The following MTPN variants were observed in gnomAD, a reference collection of about 807,000 sequenced individuals.
The protein encoded by MTPN is granule cell differentiation protein.
MTPN carries 2 observed loss-of-function variants against 13.5 expected under a neutral mutation model. The ratio of observed to expected loss-of-function variants is 0.15; its 90% CI spans 0.06 to 0.47. The LOEUF is 0.47. Ranked by LOEUF, MTPN falls within the 20% of genes least tolerant of loss-of-function variation. The probability of loss-of-function intolerance (pLI) is 0.97; values close to 1 mark genes in which losing one functional copy is unlikely to be tolerated. For synonymous variants in MTPN, 46 were observed against 51.7 expected, an observed-to-expected ratio of 0.89 and a Z score of 0.48; for missense variants, 79 against 137.9, an observed-to-expected ratio of 0.57 and a Z score of 2.14.
At chr7:135,930,527 A>T (rs979472557) in intron 3 of MTPN, among the ~76,000 whole-genome samples, 1 of 152,192 alleles carries the variant, frequency 6.6e-6, no homozygotes, top group East Asian at 1.9e-4. Flanking sequence ...GACTATAAGA[A>T]GGTTCCCTGC....
intron 3 of MTPN, among the ~76,000 whole-genome samples, chr7:135,937,370 T>TACAC (rs35704525): frequency 0.026 from 3,811 of 144,458 alleles, 53 homozygotes; most frequent in Non-Finnish European, 0.033. Flanking sequence ...GCTAACTGGA[T>TACAC]ACACACACAC....
chr7:135,964,541 G>T (rs1799576022), intron 1 of MTPN, among the ~76,000 whole-genome samples: 1 of 152,166 alleles, frequency 6.6e-6, no homozygotes, highest in Admixed American at 6.5e-5. Flanking sequence ...AGATTTCGCA[G>T]AATCTACTTT....
intron 3 of MTPN, among the ~76,000 whole-genome samples, chr7:135,944,511 T>C (rs1388995312): frequency 1.3e-5 from 2 of 151,950 alleles, no homozygotes; most frequent in Non-Finnish European, 2.9e-5. Context: ...CCCCCGTCTC[T>C]ACTAAAAATA....
In MTPN at chr7:135,927,508, G is replaced by T. The variant is rs138105786; in HGVS notation, c.*2418C>A. On this transcript the variant is annotated 3_prime_UTR_variant, in exon 4 of 4. Transcript: ENST00000393085. ...AGATGTTAAGTATTACTTCAGTGGAGAACAAAACTTACTTAACCTTTCGCT... is the reference window on the plus strand; with the variant it reads ...AGATGTTAAGTATTACTTCAGTGGATAACAAAACTTACTTAACCTTTCGCT... The T allele has an allele frequency of 2.4e-3, 2,800 of 1,190,344 alleles. 8 individuals carry two copies. The highest frequency in any genetic ancestry group is 3.1e-3 in the Non-Finnish European group (2,613 of 841,514). The allele number at this position is 1,190,344 out of a possible 1,614,324, so 73.7% of individuals were successfully genotyped here. A position where few individuals can be genotyped will look rare whatever the true frequency, so the allele number is the denominator to read the frequency against.
chr7:135,941,195 T>A (rs538900475), intron 3 of MTPN, among the ~76,000 whole-genome samples: 1 of 152,360 alleles, frequency 6.6e-6, no homozygotes, highest in South Asian at 2.1e-4. Flanking sequence ...TGGCAAGTAC[T>A]AAAAATAGGA....
chr7:135,972,950 C>T (rs1026472991), intron 1 of MTPN, among the ~76,000 whole-genome samples: 2 of 151,666 alleles, frequency 1.3e-5, no homozygotes, highest in African/African-American at 4.8e-5. Context: ...TAAAGATCTA[C>T]AAGGAAGAAA....
chr7:135,976,941 A>AAAC, intron 1 of MTPN, 88 bp downstream of exon 1: 3 of 209,544 alleles, frequency 1.4e-5, no homozygotes, highest in Non-Finnish European at 3.0e-5. Flanking sequence ...GCCCACCCCC[A>AAAC]TCCCCGCAGT....
chr7:135,964,145 T>G (rs942854911), intron 1 of MTPN, among the ~76,000 whole-genome samples: 1 of 151,936 alleles, frequency 6.6e-6, no homozygotes, highest in Non-Finnish European at 1.5e-5. Context: ...GCTCCACAGT[T>G]GGAGGGGAGG....
chr7:135,971,170 T>C (rs571580434), intron 1 of MTPN, among the ~76,000 whole-genome samples: 1 of 152,176 alleles, frequency 6.6e-6, no homozygotes, highest in South Asian at 2.1e-4. Flanking sequence ...CAACGGCAGA[T>C]GTAATTAGAA....
chr7:135,969,088 T>TGGGGGG (rs71174565), intron 1 of MTPN, among the ~76,000 whole-genome samples: 3 of 33,616 alleles, frequency 8.9e-5, no homozygotes, highest in African/African-American at 2.9e-4. Context: ...TGTTGTGGGG[T>TGGGGGG]GGGGGGGGGG....
chr7:135,957,000 G>GTC (rs1799451850), intron 1 of MTPN, among the ~76,000 whole-genome samples: 1 of 152,070 alleles, frequency 6.6e-6, no homozygotes, highest in Non-Finnish European at 1.5e-5. Context: ...GAGGTCAAGG[G>GTC]TCTCCATGTT....
At chr7:135,944,600 T>C (rs1372523489) in intron 3 of MTPN, among the ~76,000 whole-genome samples, 5 of 152,016 alleles carry the variant, frequency 3.3e-5, no homozygotes, top group African/African-American at 9.7e-5. Flanking sequence ...TGAGCCGAGA[T>C]CACGCCATTG....
intron 3 of MTPN, among the ~76,000 whole-genome samples, chr7:135,931,924 G>A (rs1363795603): frequency 1.3e-5 from 2 of 151,916 alleles, no homozygotes; most frequent in African/African-American, 4.8e-5. Flanking sequence ...ATCAAATCAG[G>A]GCCCTTATCA....
chr7:135,932,494 A>G (rs1799038872), intron 3 of MTPN: 1 of 151,966 alleles, frequency 6.6e-6, no homozygotes, highest in Non-Finnish European at 1.5e-5. Flanking sequence ...CCTTTTTCCT[A>G]ATTATGATGC....
chr7:135,973,249 T>C (rs1381106553), intron 1 of MTPN, among the ~76,000 whole-genome samples: 1 of 146,884 alleles, frequency 6.8e-6, no homozygotes, highest in African/African-American at 2.5e-5. Flanking sequence ...ATATATTCTT[T>C]CTTGACTATT....
At chr7:135,931,093 C>T (rs1799014829) in intron 3 of MTPN, among the ~76,000 whole-genome samples, 1 of 152,168 alleles carries the variant, frequency 6.6e-6, no homozygotes, top group Non-Finnish European at 1.5e-5. Flanking sequence ...ATGCCTTTAT[C>T]CATGCGGGCT....
At chr7:135,969,814 A>C (rs2116408460) in intron 1 of MTPN, among the ~76,000 whole-genome samples, 2 of 152,362 alleles carry the variant, frequency 1.3e-5, no homozygotes. Flanking sequence ...TGATTTCCCT[A>C]ATTTATAGAG....
At chr7:135,974,178 TAATA>T (rs1799738400) in intron 1 of MTPN, among the ~76,000 whole-genome samples, 1 of 152,148 alleles carries the variant, frequency 6.6e-6, no homozygotes, top group Non-Finnish European at 1.5e-5. Flanking sequence ...CTTCGAACTT[TAATA>T]GAGAAGTCAG....
chr7:135,948,710 A>G (rs773990192), intron 3 of MTPN, among the ~76,000 whole-genome samples: 34 of 152,232 alleles, frequency 2.2e-4, no homozygotes, highest in Admixed American at 3.3e-4. Context: ...GGTTCTCTAT[A>G]GAATAAAAAA....
Sources: allele counts gnomAD v4.1 joint callset (sites outside exome capture counted in the v4.1 genomes callset), GRCh38; gene constraint gnomAD v4.1.1; transcripts MANE v1.5; gene names NCBI Gene and HGNC (gene_info 2026-07-23, HGNC 2026-07-21).